RABEPK: variants seen among roughly 807,000 people sequenced by gnomAD.
The protein encoded by RABEPK is Rab9 effector protein with kelch motifs.
In RABEPK, 27 loss-of-function variants were observed where a neutral mutation model predicts 34.1. That is an observed-to-expected ratio of 0.79 (90% confidence interval 0.58 to 1.09). The LOEUF (loss-of-function observed/expected upper bound fraction) is 1.09, where lower values mean the gene tolerates loss of function less well. RABEPK is among the 50% of genes least tolerant of loss of function. The pLI, the probability that RABEPK is intolerant of heterozygous loss-of-function variation, is 0.00. For synonymous variants in RABEPK, 172 were observed against 169.2 expected (o/e 1.02, Z -0.13); for missense variants, 449 against 462.6 (o/e 0.97, Z 0.27).
chr9:125,225,256 G>A (rs1831651707), intron 5 of RABEPK, among the ~76,000 whole-genome samples: 1 of 152,120 alleles, frequency 6.6e-6, no homozygotes, highest in African/African-American at 2.4e-5. Context: ...ATGATGGTGT[G>A]CACCTATAAT....
chr9:125,232,031 C>T (rs1337478678), intron 6 of RABEPK, among the ~76,000 whole-genome samples: 4 of 150,826 alleles, frequency 2.7e-5, no homozygotes, highest in African/African-American at 9.7e-5. Context: ...TCCTGAGTAG[C>T]TGGGATTACA....
At chr9:125,213,329 T>C (rs1219063916) in intron 3 of RABEPK, 41 bp from the exon 4 acceptor site, 1 of 1,592,464 alleles carries the variant, frequency 6.3e-7, no homozygotes, top group East Asian at 2.2e-5. Context: ...AATATAATAA[T>C]TGGCAGCCCC....
At chr9:125,213,044 G>T (rs566951721) in intron 3 of RABEPK, among the ~76,000 whole-genome samples, 36 of 152,260 alleles carry the variant, frequency 2.4e-4, no homozygotes, top group South Asian at 1.2e-3. Flanking sequence ...CACTTGATCT[G>T]GTTGGCTCAT....
intron 5 of RABEPK, among the ~76,000 whole-genome samples, chr9:125,227,193 A>G (rs1178410789): frequency 1.3e-5 from 2 of 152,014 alleles, no homozygotes; most frequent in African/African-American, 4.8e-5. Flanking sequence ...TAATAATGAT[A>G]ATAATAATAC....
chr9:125,221,984 G>C (rs905358260), intron 5 of RABEPK: 3 of 151,480 alleles, frequency 2.0e-5, no homozygotes, highest in African/African-American at 7.3e-5. Context: ...CCAGATTTTT[G>C]TATTTTTATT....
chr9:125,224,697 G>A (rs952844921), intron 5 of RABEPK, among the ~76,000 whole-genome samples: 10 of 151,962 alleles, frequency 6.6e-5, no homozygotes, highest in Non-Finnish European at 1.2e-4. Context: ...CTCGTGATCC[G>A]CCCATCTTGG....
chr9:125,206,960 A>G (rs1405150367), intron 2 of RABEPK, among the ~76,000 whole-genome samples: 1 of 151,890 alleles, frequency 6.6e-6, no homozygotes, highest in African/African-American at 2.4e-5. Flanking sequence ...GTGGTGGCAC[A>G]TGCCTGTAAT....
chr9:125,214,117 G>A (rs766741452), intron 4 of RABEPK, among the ~76,000 whole-genome samples: 3 of 150,238 alleles, frequency 2.0e-5, no homozygotes, highest in Non-Finnish European at 4.4e-5. Flanking sequence ...GTGAGACTCT[G>A]TCTCAAAAAA....
chr9:125,215,868 C>T (rs564478048), intron 4 of RABEPK, among the ~76,000 whole-genome samples: 2 of 152,264 alleles, frequency 1.3e-5, no homozygotes, highest in South Asian at 4.1e-4. Context: ...AATTGCTCTC[C>T]AGAAAGATTT....
chr9:125,231,629 C>T (rs1006148235), intron 6 of RABEPK, among the ~76,000 whole-genome samples: 11 of 151,838 alleles, frequency 7.2e-5, no homozygotes, highest in Non-Finnish European at 1.3e-4. Flanking sequence ...GGTGAAACAC[C>T]GTCTCTACTA....
At chr9:125,232,460 T>C in intron 6 of RABEPK, 136 bp from the exon 7 acceptor site, 2 of 960,952 alleles carry the variant, frequency 2.1e-6, no homozygotes, top group Non-Finnish European at 2.9e-6. Context: ...CCCCAAATAA[T>C]TCTTATGTGC....
Position 125,228,027 on chromosome 9 carries a change from G to C in RABEPK, c.644G>C (p.Arg215Thr), listed in dbSNP as rs1305857338. ...ATCCACGGAGGCTTGGCGGGGGACA[G>C]ATTCTATGATGACCTCCACTGCATT... Reference protein sequence around the residue: ...LFIHGGLAGDRFYDDLHCIDI... With the variant: ...LFIHGGLAGDTFYDDLHCIDI... Residue 215 changes from arginine to threonine, a missense_variant, in exon 6 of 8, where the codon AGA becomes ACA. Transcript: ENST00000373538. 1.2e-6 allele frequency: 2 copies of C among 1,603,348 alleles called. No homozygotes were observed. The highest frequency in any genetic ancestry group is 8.5e-7 in the Non-Finnish European group (1 of 1,173,632).
rs750187466 is a variant in RABEPK, at chr9:125,220,597, CCA to C, written c.428_429del (p.Thr143IlefsTer31). On this transcript the variant is annotated frameshift_variant, in exon 5 of 8. Transcript: ENST00000373538. LOFTEE classifies it high-confidence loss of function. ...GCCCCCCACCATCCCCAAGAACATT[CCA>C]CACATCATCGGCAGCCATTGGAAAC... ...TSPPPSPRTF[H>X]TSSAAIGNQL... 21 of 1,614,198 alleles carry C rather than the reference CCA, an allele frequency of 1.3e-5. No individual in the cohort carries two copies. In the South Asian group the frequency reaches 2.1e-4, roughly 16 times the overall value.
chr9:125,232,799 G>A (rs966033568), intron 7 of RABEPK, 54 bp downstream of exon 7: 22 of 1,552,584 alleles, frequency 1.4e-5, no homozygotes, highest in African/African-American at 2.7e-5. Flanking sequence ...TCTTTGAAAC[G>A]TGATGCGGTG....
intron 1 of RABEPK, among the ~76,000 whole-genome samples, 160 bp downstream of exon 1, chr9:125,201,066 TAGTCTAGA>T (rs1288389525): frequency 1.3e-5 from 2 of 152,230 alleles, no homozygotes; most frequent in Non-Finnish European, 2.9e-5. Flanking sequence ...ATCTAGAATC[TAGTCTAGA>T]AGCCTTAAAT....
chr9:125,232,165 C>T (rs1832235086), intron 6 of RABEPK, among the ~76,000 whole-genome samples: 1 of 151,618 alleles, frequency 6.6e-6, no homozygotes, highest in Non-Finnish European at 1.5e-5. Context: ...TCCCAAAGTG[C>T]TGGGATTACA....
intron 3 of RABEPK, among the ~76,000 whole-genome samples, chr9:125,213,045 G>T (rs1459340948): frequency 6.6e-6 from 1 of 152,164 alleles, no homozygotes; most frequent in Non-Finnish European, 1.5e-5. Context: ...ACTTGATCTG[G>T]TTGGCTCATT....
rs1334249205 is a variant in RABEPK, at chr9:125,209,599, ATCAG to A, written c.211+1881_211+1884del. 4.0e-5 allele frequency among the ~76,000 whole-genome samples: 6 copies of A among 151,714 alleles called. No individual in the cohort carries two copies. The South Asian group carries it at 1.3e-3, about 32-fold the overall frequency. Reference sequence around the variant, plus strand: ...TTCTGACCTCAAGTGATCTGCTTGCATCAGTCTCCCAAAGTGCTGGGATTACAGG... The same window carrying A: ...TTCTGACCTCAAGTGATCTGCTTGCATCTCCCAAAGTGCTGGGATTACAGG... On this transcript the variant is annotated intron_variant, in intron 3 of 7. Transcript: ENST00000373538.
At chr9:125,204,194 C>T (rs1374613575) in intron 2 of RABEPK, among the ~76,000 whole-genome samples, 2 of 151,648 alleles carry the variant, frequency 1.3e-5, no homozygotes, top group Admixed American at 6.6e-5. Flanking sequence ...ATTAGCCGGG[C>T]GTGGTGGCGG....
Sources: gnomAD v4.1 joint callset for allele counts (sites outside exome capture counted in the v4.1 genomes callset) on GRCh38, gnomAD v4.1.1 for gene constraint, MANE v1.5 for transcripts, NCBI Gene and HGNC (gene_info 2026-07-23, HGNC 2026-07-21) for gene names.